The following CRIM1 variants were observed in gnomAD, a reference collection of about 807,000 sequenced individuals.
CRIM1 encodes cysteine rich transmembrane BMP regulator 1.
CRIM1 carries 32 observed loss-of-function variants against 116.4 expected under a neutral mutation model. The observed-to-expected ratio is 0.27, with a 90% CI of 0.21 to 0.37. CRIM1 has a LOEUF of 0.37. Among genes scored for constraint, CRIM1 ranks in the 10% least tolerant of loss-of-function variants. CRIM1 has a pLI of 1.00. For synonymous variants in CRIM1, 590 were observed against 509.2 expected (o/e 1.16, Z -2.13); for missense variants, 1,331 against 1,354.8 (o/e 0.98, Z 0.28).
At chr2:36,382,489 G>A (rs1055603101) in intron 1 of CRIM1, among the ~76,000 whole-genome samples, 1 of 79,402 alleles carries the variant, frequency 1.3e-5, no homozygotes, top group African/African-American at 4.1e-5. Flanking sequence ...TGAAGCAAGG[G>A]TGCTAATAAT....
intron 13 of CRIM1, among the ~76,000 whole-genome samples, chr2:36,523,687 G>T (rs1250078073): frequency 6.6e-6 from 1 of 152,186 alleles, no homozygotes; most frequent in Non-Finnish European, 1.5e-5. Context: ...ATTTATTGTT[G>T]GGGATTTTCC....
At chr2:36,403,451 G>C (rs568270634) in intron 2 of CRIM1, among the ~76,000 whole-genome samples, 1 of 152,150 alleles carries the variant, frequency 6.6e-6, no homozygotes, top group South Asian at 2.1e-4. Context: ...TCATAAGATG[G>C]ATAAATCAAG....
chr2:36,385,346 A>G (rs1671096034), intron 1 of CRIM1, among the ~76,000 whole-genome samples: 1 of 152,168 alleles, frequency 6.6e-6, no homozygotes. Context: ...CAAAGTTGTT[A>G]TCCTGAAAAG....
rs145811697 is a variant in CRIM1 at position 36,517,562 on chromosome 2, G to C, written c.2206+20G>C. 561 of 1,598,530 alleles carry C rather than the reference G, an allele frequency of 3.5e-4. 1 individual carries two copies. In the African/African-American group the frequency reaches 6.8e-3, roughly 19 times the overall value. On this transcript the variant is annotated intron_variant, in intron 12 of 16. Transcript: ENST00000280527. The stretch of plus-strand genomic sequence containing the variant: ...GTACAGGTAAGCGACACCATGCCTT[G>C]TGGGTGCTTGGTGGGGAAGGATGCA...
chr2:36,476,929 T>C lies in CRIM1; in HGVS notation c.1032T>C (p.Tyr344=), dbSNP rs1462550433. The C allele has an allele frequency of 2.5e-6, 4 of 1,614,142 alleles. No individual in the cohort carries two copies. The highest frequency in any genetic ancestry group is 1.7e-5 in the Admixed American group (1 of 60,012). The change falls in exon 6 of 17, where the codon TAT becomes TAC. Residue 344 remains tyrosine (Y), a synonymous_variant. Transcript: ENST00000280527. ...GCGTATTTAACAATGTGGAATATTATGATGGAGACATGTTTCGAATGGACA... is the reference window on the plus strand; with the variant it reads ...GCGTATTTAACAATGTGGAATATTACGATGGAGACATGTTTCGAATGGACA... ...PACVFNNVEY[Y]DGDMFRMDNC...
chr2:36,404,027 A>G (rs1218109043), intron 2 of CRIM1, among the ~76,000 whole-genome samples: 2 of 152,176 alleles, frequency 1.3e-5, no homozygotes, highest in Non-Finnish European at 2.9e-5. Flanking sequence ...AGTAATGTGC[A>G]TAATGGAGGA....
At chr2:36,396,511 A>T in intron 1 of CRIM1, 103 bp from the exon 2 acceptor site, 2 of 682,670 alleles carry the variant, frequency 2.9e-6, no homozygotes, top group Non-Finnish European at 2.4e-6. Flanking sequence ...TTGATTTGTC[A>T]AAATTGAATG....
At position 36,542,311 on chromosome 2, in the gene CRIM1, C is replaced by T. The variant is rs1050046494; in HGVS notation, c.2624-2065C>T. Among the ~76,000 whole-genome samples the T allele has an allele frequency of 2.0e-5, 3 of 152,304 alleles. No homozygotes were observed. In the East Asian group the frequency reaches 5.8e-4, roughly 29 times the overall value. On this transcript the variant is annotated intron_variant, in intron 14 of 16. Transcript: ENST00000280527. ...AATATTTGTTGAACAAATGGTAATA[C>T]AATTAATCACTGAAGAAGACATCCT...
intron 5 of CRIM1, among the ~76,000 whole-genome samples, chr2:36,472,566 A>T (rs903628895): frequency 6.6e-6 from 1 of 152,042 alleles, no homozygotes; most frequent in Admixed American, 6.6e-5. Flanking sequence ...TGCACACCCT[A>T]CCATAAAAAC....
At chr2:36,481,541 A>T (rs1043691159) in intron 7 of CRIM1, among the ~76,000 whole-genome samples, 4 of 152,210 alleles carry the variant, frequency 2.6e-5, no homozygotes, top group Non-Finnish European at 4.4e-5. Flanking sequence ...TGAAGAGCCT[A>T]TTTAGGCTGA....
intron 7 of CRIM1, among the ~76,000 whole-genome samples, chr2:36,493,858 A>T (rs1390839632): frequency 1.3e-5 from 2 of 152,174 alleles, no homozygotes; most frequent in African/African-American, 4.8e-5. Flanking sequence ...GAATATATAT[A>T]ATTATACATT....
Position 36,531,751 on chromosome 2 carries a change from T to G in CRIM1, c.2429-5601T>G, listed in dbSNP as rs897127394. On this transcript the variant is annotated intron_variant, in intron 13 of 16. Coordinates refer to ENST00000280527, the MANE Select transcript of CRIM1 (RefSeq NM_016441.3). ...CTCCTCTTGTGATATGAACCAGAAT[T>G]GAGGGAAAATAGGCAGGAGGGAACC... The G allele has an allele frequency of 9.1e-5, 33 of 362,122 alleles. No homozygotes were observed. In the Middle Eastern group the frequency reaches 3.4e-3, roughly 38 times the overall value. The allele number at this position is 362,122 out of a possible 1,614,324, so 22.4% of individuals were successfully genotyped here.
At chr2:36,415,068 G>C (rs1673502939) in intron 2 of CRIM1, among the ~76,000 whole-genome samples, 1 of 152,122 alleles carries the variant, frequency 6.6e-6, no homozygotes, top group East Asian at 1.9e-4. Context: ...GGACCAGGGT[G>C]CTAGCAGAGG....
chr2:36,390,073 A>G (rs1260735269), intron 1 of CRIM1, among the ~76,000 whole-genome samples: 2 of 152,210 alleles, frequency 1.3e-5, no homozygotes, highest in African/African-American at 4.8e-5. Flanking sequence ...TGTCAAATGT[A>G]GAAGGAAAGA....
At chr2:36,421,749 C>T (rs549659604) in intron 2 of CRIM1, among the ~76,000 whole-genome samples, 51 of 152,184 alleles carry the variant, frequency 3.4e-4, no homozygotes, top group African/African-American at 1.1e-3. Context: ...CTTGTCCTAA[C>T]GTAGCTGCCC....
intron 11 of CRIM1, among the ~76,000 whole-genome samples, chr2:36,514,718 G>T (rs1042410027): frequency 7.6e-6 from 1 of 131,232 alleles, no homozygotes; most frequent in African/African-American, 2.9e-5. Flanking sequence ...TGTGCAAAAG[G>T]TGTAGCCGGG....
At position 36,525,603 on chromosome 2, in the gene CRIM1, T is replaced by G. The variant is rs116128848; in HGVS notation, c.2428+3290T>G. On this transcript the variant is annotated intron_variant, in intron 13 of 16. Coordinates refer to ENST00000280527, the MANE Select transcript of CRIM1 (RefSeq NM_016441.3). ...GACCAGTGCTCGCATTGTTTCCTGG[T>G]TTAGGCTTTCTCAGTTTTAACTCAG... 4.7e-3 allele frequency among the ~76,000 whole-genome samples: 709 copies of G among 152,336 alleles called. 9 individuals are homozygous for G. The highest frequency in any genetic ancestry group is 0.016 in the African/African-American group (677 of 41,580).
chr2:36,507,121 A>G (rs988185590), intron 8 of CRIM1, among the ~76,000 whole-genome samples: 2 of 152,108 alleles, frequency 1.3e-5, no homozygotes, highest in Admixed American at 1.3e-4. Flanking sequence ...CAGCTTCCCA[A>G]AGTGCTGGGA....
chr2:36,379,742 CTTTTT>C (rs760969263), intron 1 of CRIM1, among the ~76,000 whole-genome samples: 2 of 106,386 alleles, frequency 1.9e-5, no homozygotes, highest in East Asian at 6.2e-4. Context: ...TTCTTTCTCT[CTTTTT>C]TTTTTTTTTT....
Sources: allele counts gnomAD v4.1 joint callset (sites outside exome capture counted in the v4.1 genomes callset), GRCh38; gene constraint gnomAD v4.1.1; transcripts MANE v1.5; gene names NCBI Gene and HGNC (gene_info 2026-07-23, HGNC 2026-07-21).